Variants in USP32 observed in about 807,000 individuals in gnomAD.
USP32 encodes the protein ubiquitin carboxyl-terminal hydrolase 32.
USP32 carries 59 observed loss-of-function variants against 204.8 expected under a neutral mutation model. The ratio of observed to expected loss-of-function variants is 0.29; its 90% CI spans 0.23 to 0.36. USP32 has a LOEUF of 0.36. USP32 is among the 10% of genes least tolerant of loss of function. The pLI is 1.00. For synonymous variants in USP32, 517 were observed against 678.4 expected, an observed-to-expected ratio of 0.76 and a Z score of 3.70; for missense variants, 1,160 against 1,946.4, an observed-to-expected ratio of 0.60 and a Z score of 7.60.
chr17:60,325,965 T>C, intron 2 of USP32, among the ~76,000 whole-genome samples: 1 of 133,164 alleles, frequency 7.5e-6, no homozygotes. Flanking sequence ...AGAGTAAGAC[T>C]CTGTCTCAAA....
chr17:60,204,191 C>T (rs2084763820), intron 26 of USP32, among the ~76,000 whole-genome samples: 1 of 151,994 alleles, frequency 6.6e-6, no homozygotes, highest in African/African-American at 2.4e-5. Context: ...AAAAACAAAA[C>T]AAAACAAAAA....
rs569080078 is a variant in USP32, at chr17:60,316,686, CA to C, written c.187-14983del. On this transcript the variant is annotated intron_variant, in intron 2 of 33. Transcript: ENST00000300896. ...TGAAATCCCGTCTCTACTAAAAATACAAAAATGAGTCGGGTGTGGTGGTGGG... is the reference window on the plus strand; with the variant it reads ...TGAAATCCCGTCTCTACTAAAAATACAAAATGAGTCGGGTGTGGTGGTGGG... Among the ~76,000 whole-genome samples the C allele has an allele frequency of 2.5e-3, 376 of 152,062 alleles. 2 individuals are homozygous for C. The highest frequency in any genetic ancestry group is 6.8e-3 in the Middle Eastern group (2 of 294).
At chr17:60,319,980 A>G (rs1233459911) in intron 2 of USP32, among the ~76,000 whole-genome samples, 3 of 152,158 alleles carry the variant, frequency 2.0e-5, no homozygotes, top group Admixed American at 1.3e-4. Flanking sequence ...CCTAGAATCA[A>G]TCCCCAACAG....
At chr17:60,342,572 T>C (rs1233551426) in intron 2 of USP32, among the ~76,000 whole-genome samples, 6 of 152,330 alleles carry the variant, frequency 3.9e-5, no homozygotes, top group East Asian at 1.9e-4. Context: ...TGAGCTGCAG[T>C]GGGCTCCTCC....
intron 11 of USP32, among the ~76,000 whole-genome samples, chr17:60,237,894 G>A (rs1293862156): frequency 6.6e-6 from 1 of 152,154 alleles, no homozygotes; most frequent in African/African-American, 2.4e-5. Context: ...TATGAAAGTT[G>A]TGTTCAAGTA....
At chr17:60,278,318 G>A (rs1291176674) in intron 5 of USP32, among the ~76,000 whole-genome samples, 2 of 151,788 alleles carry the variant, frequency 1.3e-5, no homozygotes, top group Non-Finnish European at 2.9e-5. Context: ...AGACAATTAT[G>A]TTTAGAGATG....
At chr17:60,373,282 G>C (rs2089476923) in intron 1 of USP32, among the ~76,000 whole-genome samples, 1 of 152,068 alleles carries the variant, frequency 6.6e-6, no homozygotes, top group Non-Finnish European at 1.5e-5. Context: ...AAGTTGTTCT[G>C]GGTGAGTCAG....
chr17:60,220,978 G>A lies in USP32; in HGVS notation c.1750-1191C>T, dbSNP rs140441164. ...TGAAATTCTTGAAAACAGAAACTCTGTACAGAGTCTTTTAAGTCTCAGGTG... is the reference window on the plus strand; with the variant it reads ...TGAAATTCTTGAAAACAGAAACTCTATACAGAGTCTTTTAAGTCTCAGGTG... On this transcript the variant is annotated intron_variant, in intron 15 of 33. Transcript: ENST00000300896. Among the ~76,000 whole-genome samples, 1,245 of 150,508 alleles carry A rather than the reference G, an allele frequency of 8.3e-3. 16 individuals are homozygous for A. Among genetic ancestry groups the A allele is most frequent in the East Asian group, 0.024 (124 of 5,170 alleles).
At chr17:60,186,884 G>A (rs1310994427) in intron 29 of USP32, among the ~76,000 whole-genome samples, 3 of 152,148 alleles carry the variant, frequency 2.0e-5, no homozygotes, top group East Asian at 3.8e-4. Flanking sequence ...CCTTCTGTTT[G>A]TCCCTCTAAT....
chr17:60,213,142 T>A (rs867663200), intron 18 of USP32, among the ~76,000 whole-genome samples: 10 of 152,254 alleles, frequency 6.6e-5, no homozygotes, highest in Non-Finnish European at 1.2e-4. Flanking sequence ...GGCATGTGCA[T>A]GCCAGTGTGT....
intron 11 of USP32, chr17:60,249,846 C>T (rs989195036): frequency 2.8e-5 from 17 of 609,648 alleles, no homozygotes; most frequent in Admixed American, 1.1e-4. Context: ...CCAGAAATCA[C>T]GATACTTTTT....
At chr17:60,299,585 CT>C (rs2087522942) in intron 3 of USP32, among the ~76,000 whole-genome samples, 1 of 152,180 alleles carries the variant, frequency 6.6e-6, no homozygotes, top group Non-Finnish European at 1.5e-5. Flanking sequence ...AAGGTCCCAC[CT>C]CTCAACACTG....
intron 1 of USP32, among the ~76,000 whole-genome samples, chr17:60,415,457 A>T (rs565481189): frequency 6.6e-6 from 1 of 152,156 alleles, no homozygotes; most frequent in Non-Finnish European, 1.5e-5. Context: ...TTCCAGAATC[A>T]CTGCCGAGAA....
chr17:60,287,594 G>A (rs534595159), intron 5 of USP32, among the ~76,000 whole-genome samples: 2 of 152,248 alleles, frequency 1.3e-5, no homozygotes, highest in East Asian at 3.9e-4. Context: ...ACCCAATTGC[G>A]ATTCTATAAC....
intron 4 of USP32, among the ~76,000 whole-genome samples, chr17:60,294,094 C>T (rs982189713): frequency 1.2e-4 from 18 of 152,076 alleles, no homozygotes; most frequent in African/African-American, 3.9e-4. Flanking sequence ...CTGGTAGAGT[C>T]GGGGTCTTGC....
intron 2 of USP32, among the ~76,000 whole-genome samples, chr17:60,331,539 C>T (rs966953547): frequency 5.3e-5 from 8 of 149,692 alleles, no homozygotes; most frequent in Admixed American, 4.7e-4. Flanking sequence ...GTACTCCAGC[C>T]TGGCCACCAG....
chr17:60,211,912 A>G (rs2084977283), intron 19 of USP32, 112 bp downstream of exon 19: 1 of 867,584 alleles, frequency 1.2e-6, no homozygotes, highest in East Asian at 2.9e-5. Context: ...AGAAGGCCCT[A>G]ATTACTTTTG....
intron 12 of USP32, among the ~76,000 whole-genome samples, chr17:60,234,044 G>T (rs567334430): frequency 6.6e-6 from 1 of 152,108 alleles, no homozygotes; most frequent in East Asian, 1.9e-4. Flanking sequence ...TGACCTATCA[G>T]GCTCAAGCAA....
chr17:60,232,207 C>G lies in USP32; in HGVS notation c.1239+3931G>C, dbSNP rs138545844. Among the ~76,000 whole-genome samples, 461 of 124,820 alleles carry G rather than the reference C, an allele frequency of 3.7e-3. 2 individuals carry two copies. The highest frequency in any genetic ancestry group is 0.013 in the African/African-American group (421 of 32,236). The allele number at this position is 124,820 out of a possible 152,430, so 81.9% of individuals were successfully genotyped here. Reference sequence around the variant, plus strand: ...TTTTTTTTTGAGATGGAGTCTCACTCTGTCATCCAGGATGGTGTGCAGTGG... The same window carrying G: ...TTTTTTTTTGAGATGGAGTCTCACTGTGTCATCCAGGATGGTGTGCAGTGG... On this transcript the variant is annotated intron_variant, in intron 12 of 33. Coordinates refer to ENST00000300896, the MANE Select transcript of USP32 (RefSeq NM_032582.4).
Sources: gnomAD v4.1 joint callset for allele counts (sites outside exome capture counted in the v4.1 genomes callset) on GRCh38, gnomAD v4.1.1 for gene constraint, MANE v1.5 for transcripts, NCBI Gene and HGNC (gene_info 2026-07-23, HGNC 2026-07-21) for gene names.